The following DPF3 variants were observed in gnomAD, a reference collection of about 807,000 sequenced individuals.
DPF3 encodes the protein zinc finger protein DPF3.
A neutral mutation model predicts 56.8 loss-of-function variants in DPF3; 18 were observed. The ratio of observed to expected loss-of-function variants is 0.32; its 90% CI spans 0.22 to 0.47. The LOEUF (loss-of-function observed/expected upper bound fraction) is 0.47, where lower values mean the gene tolerates loss of function less well. DPF3 is among the 20% of genes least tolerant of loss of function. DPF3 has a pLI of 1.00. For missense variants in DPF3, 403 were observed against 488.8 expected (o/e 0.82, Z 1.65); for synonymous variants, 188 against 180.2 (o/e 1.04, Z -0.35).
chr14:72,829,275 T>C (rs1567247832), intron 1 of DPF3, among the ~76,000 whole-genome samples: 1 of 152,226 alleles, frequency 6.6e-6, no homozygotes, highest in Non-Finnish European at 1.5e-5. Flanking sequence ...CAAGACAATA[T>C]GTGGTCAATA....
chr14:72,791,497 G>A (rs1892429069), intron 1 of DPF3, among the ~76,000 whole-genome samples: 1 of 152,234 alleles, frequency 6.6e-6, no homozygotes. Context: ...ACAGCAAGCT[G>A]TCCTCCCAAG....
At chr14:72,637,288 C>G (rs1286542288) in intron 8 of DPF3, among the ~76,000 whole-genome samples, 1 of 152,172 alleles carries the variant, frequency 6.6e-6, no homozygotes, top group Non-Finnish European at 1.5e-5. Context: ...GGTTGGTCTT[C>G]TTAAAGTGAA....
chr14:72,723,634 C>T lies in DPF3; in HGVS notation c.524G>A (p.Arg175Gln), dbSNP rs199891961. The change falls in exon 5 of 11, where the codon CGG becomes CAG. Residue 175 changes from arginine (R) to glutamine (Q), a missense_variant and splice_region_variant. Coordinates refer to ENST00000556509, the MANE Select transcript of DPF3 (RefSeq NM_001280542.3). ...IPKRKNRTRG[R>Q]ARGSAGGRRR... is the part of the protein sequence containing the mutation. The stretch of plus-strand genomic sequence containing the variant: ...TCGCTCATGTCATCCCCAACTTACC[C>T]GTCCTCTAGTCCTGTTCTTTCGCTT... 13 of 1,563,946 alleles carry T rather than the reference C, an allele frequency of 8.3e-6. No homozygotes were observed. The highest frequency in any genetic ancestry group is 2.8e-5 in the African/African-American group (2 of 70,978).
chr14:72,643,365 C>T (rs770928796), intron 8 of DPF3, among the ~76,000 whole-genome samples: 8 of 152,210 alleles, frequency 5.3e-5, no homozygotes, highest in Non-Finnish European at 1.2e-4. Flanking sequence ...ATGCCTCTAG[C>T]GAAATCCCTC....
chr14:72,651,291 G>A (rs1885900698), intron 8 of DPF3, among the ~76,000 whole-genome samples: 1 of 152,318 alleles, frequency 6.6e-6, no homozygotes, highest in South Asian at 2.1e-4. Context: ...AGAGCCCCTG[G>A]GGCCTCAGCC....
At chr14:72,865,852 G>A (rs1885641185) in intron 1 of DPF3, among the ~76,000 whole-genome samples, 1 of 152,162 alleles carries the variant, frequency 6.6e-6, no homozygotes, top group African/African-American at 2.4e-5. Context: ...TTTGAGACCA[G>A]CCTGGCCAAC....
chr14:72,852,572 T>C (rs1277642001), intron 1 of DPF3, among the ~76,000 whole-genome samples: 1 of 152,232 alleles, frequency 6.6e-6, no homozygotes, highest in Non-Finnish European at 1.5e-5. Flanking sequence ...GCTCACACTC[T>C]GATCACAGCC....
In DPF3 at chr14:72,616,710, G is replaced by A. The variant is rs137903879; in HGVS notation, c.*2587C>T. ...CCCAGTGTCACACAGCTACTCCATG[G>A]CAGAGGCAACACAAAAACTCTGATC... On this transcript the variant is annotated 3_prime_UTR_variant, in exon 11 of 11. Transcript: ENST00000556509. 2.0e-5 allele frequency among the ~76,000 whole-genome samples: 3 copies of A among 152,122 alleles called. No homozygotes were observed.
At chr14:72,743,152 G>A (rs1051623734) in intron 3 of DPF3, among the ~76,000 whole-genome samples, 4 of 152,146 alleles carry the variant, frequency 2.6e-5, no homozygotes, top group Admixed American at 1.3e-4. Flanking sequence ...ACTATCCCTG[G>A]CTGCCCTCCC....
At chr14:72,688,200 G>GGGTA (rs1419209437) in intron 7 of DPF3, among the ~76,000 whole-genome samples, 13 of 125,292 alleles carry the variant, frequency 1.0e-4, no homozygotes, top group South Asian at 6.5e-4. Context: ...ATGGGTGGGT[G>GGGTA]GGTGGGTGTG....
chr14:72,747,940 T>G (rs1029368002), intron 3 of DPF3, among the ~76,000 whole-genome samples: 1 of 152,218 alleles, frequency 6.6e-6, no homozygotes, highest in Non-Finnish European at 1.5e-5. Context: ...TTTTGTAAAT[T>G]GCCCAGTCTC....
At chr14:72,662,545 C>T (rs2153569403) in intron 8 of DPF3, 1 of 984,734 alleles carries the variant, frequency 1.0e-6, no homozygotes. Context: ...TTCTCACAGA[C>T]AATCAAAGAA....
intron 8 of DPF3, chr14:72,670,782 T>G (rs1043900266): frequency 9.7e-7 from 1 of 1,032,914 alleles, no homozygotes; most frequent in African/African-American, 1.7e-5. Flanking sequence ...ATATGAAAAT[T>G]GAGGACATCA....
intron 7 of DPF3, among the ~76,000 whole-genome samples, chr14:72,690,229 C>T (rs756682332): frequency 2.0e-5 from 3 of 152,198 alleles, no homozygotes; most frequent in Non-Finnish European, 4.4e-5. Flanking sequence ...CCAAGCAAGG[C>T]TGTGTGGCCT....
At chr14:72,713,072 A>G (rs547744622) in intron 6 of DPF3, among the ~76,000 whole-genome samples, 26 of 152,342 alleles carry the variant, frequency 1.7e-4, no homozygotes, top group African/African-American at 5.8e-4. Flanking sequence ...GCTTCTATGT[A>G]TCAGAGTGAA....
At chr14:72,718,630 C>A (rs923962636) in intron 5 of DPF3, among the ~76,000 whole-genome samples, 1 of 152,142 alleles carries the variant, frequency 6.6e-6, no homozygotes, top group Middle Eastern at 3.4e-3. Flanking sequence ...GAGAGACAAC[C>A]TTTTTAATTT....
intron 1 of DPF3, chr14:72,836,453 C>A: frequency 1.0e-6 from 1 of 985,672 alleles, no homozygotes; most frequent in Non-Finnish European, 1.2e-6. Context: ...CCTGCTCCTG[C>A]CTGCCCTGAA....
In DPF3 at chr14:72,632,971, G is replaced by A. The variant is rs371421206; in HGVS notation, c.872-3235C>T. On this transcript the variant is annotated intron_variant, in intron 8 of 10. Coordinates refer to ENST00000556509, the MANE Select transcript of DPF3 (RefSeq NM_001280542.3). ...TGTAAGAATTGTTGCCAGGAAGCTAGTTAGGAGGCTAATGCAGCTACCAGG... is the reference window on the plus strand; with the variant it reads ...TGTAAGAATTGTTGCCAGGAAGCTAATTAGGAGGCTAATGCAGCTACCAGG... 2.6e-5 allele frequency among the ~76,000 whole-genome samples: 4 copies of A among 152,280 alleles called. No individual in the cohort carries two copies. The East Asian group carries it at 5.8e-4, about 22-fold the overall frequency.
chr14:72,822,095 T>C (rs1212810908), intron 1 of DPF3, among the ~76,000 whole-genome samples: 1 of 152,194 alleles, frequency 6.6e-6, no homozygotes, highest in Non-Finnish European at 1.5e-5. Context: ...ATCTAATCTA[T>C]GTCCTAGGCT....
Sources: allele counts gnomAD v4.1 joint callset (sites outside exome capture counted in the v4.1 genomes callset), GRCh38; gene constraint gnomAD v4.1.1; transcripts MANE v1.5; gene names NCBI Gene and HGNC (gene_info 2026-07-23, HGNC 2026-07-21).